LYPD8: variants seen among roughly 807,000 people sequenced by gnomAD.
LYPD8 encodes LY6/PLAUR domain containing 8.
In LYPD8, 8 loss-of-function variants were observed where a neutral mutation model predicts 1.7. The ratio of observed to expected loss-of-function variants is 4.58; its 90% CI spans 2.69 to 8.27. LYPD8 has a LOEUF of 8.27. Ranked by LOEUF, LYPD8 falls within the 30% of genes most tolerant of loss-of-function variation. The pLI is 0.00. For synonymous variants in LYPD8, 50 were observed against 43.6 expected (o/e 1.15, Z -0.58); for missense variants, 112 against 102.3 (o/e 1.09, Z -0.41).
chr1:248,751,830 C>A (rs996920262), intron 2 of LYPD8, among the ~76,000 whole-genome samples: 8 of 152,168 alleles, frequency 5.3e-5, no homozygotes, highest in African/African-American at 1.4e-4. Flanking sequence ...ACACACTCAA[C>A]CTGCAGCACT....
intron 2 of LYPD8, among the ~76,000 whole-genome samples, chr1:248,754,227 A>ACACATATTAAACACACACCC (rs1392570940): frequency 8.0e-5 from 12 of 150,360 alleles, no homozygotes; most frequent in African/African-American, 2.9e-4. Context: ...ACAACACACC[A>ACACATATTAAACACACACCC]CACACATTAA....
intron 6 of LYPD8, among the ~76,000 whole-genome samples, 174 bp downstream of exon 6, chr1:248,744,968 T>C (rs1662705687): frequency 6.6e-6 from 1 of 152,062 alleles, no homozygotes; most frequent in East Asian, 1.9e-4. Flanking sequence ...AAGGCAGCAA[T>C]AGCAGCGAGC....
rs1411816383 is a variant in LYPD8 at position 248,745,172 on chromosome 1, A to G, written c.445T>C (p.Cys149Arg). 2.0e-5 allele frequency: 8 copies of G among 398,606 alleles called. No individual in the cohort carries two copies. In the South Asian group the frequency reaches 1.0e-3, roughly 51 times the overall value. The allele number at this position is 398,606 out of a possible 1,614,324, so 24.7% of individuals were successfully genotyped here. Residue 149 changes from cysteine (C) to arginine (R), a missense_variant, in exon 6 of 7, where the codon TGT (cysteine) becomes CGT (arginine). By Grantham distance (180) the Cys-to-Arg change is radical (BLOSUM62 -3). Coordinates refer to ENST00000590317, the MANE Select transcript of LYPD8 (RefSeq NM_001085474.2). ...TTAAGTTCTGCAACTAGAAAGACAC[A>G]CTGTTCTTCTTCATAGCATTTCCAG... Reference protein sequence around the residue: ...KPWKCYEEEQCVFLVAELKND... With the variant: ...KPWKCYEEEQRVFLVAELKND...
intron 2 of LYPD8, among the ~76,000 whole-genome samples, chr1:248,752,649 ACAAC>A (rs1662821686): frequency 3.3e-5 from 2 of 61,052 alleles, no homozygotes; most frequent in South Asian, 1.8e-3. Context: ...CACACAACAC[ACAAC>A]ACACACCACA....
rs767478162 is a variant in LYPD8, at chr1:248,739,693, G to T, written c.632C>A (p.Thr211Asn). 9 of 1,551,762 alleles carry T rather than the reference G, an allele frequency of 5.8e-6. No homozygotes were observed. In the East Asian group the frequency reaches 1.7e-4, roughly 30 times the overall value. ...VNSLTPTSAP[T>N]TSHNVGSKAS... The stretch of plus-strand genomic sequence containing the variant: ...TTTGGAGCCCACGTTGTGGGAAGTG[G>T]TTGGTGCAGACGTGGGGGTTAAGCT... The change falls in exon 7 of 7, where the codon ACC becomes AAC. Residue 211 changes from threonine to asparagine, a missense_variant. Coordinates refer to ENST00000590317, the MANE Select transcript of LYPD8 (RefSeq NM_001085474.2). This position sits in a 1 kb window ranked among gnomAD's most constrained non-coding sequence, Gnocchi z 4.3.
Position 248,755,342 on chromosome 1 carries a change from A to C in LYPD8, c.-153T>G, listed in dbSNP as rs1662904265. 6.6e-6 allele frequency: 1 copy of C among 152,270 alleles called. No homozygotes were observed. The highest frequency in any genetic ancestry group is 1.5e-5 in the Non-Finnish European group (1 of 68,068). The allele number at this position is 152,270 out of a possible 1,614,324, so 9.4% of individuals were successfully genotyped here. A position where few individuals can be genotyped will look rare whatever the true frequency, so the allele number is the denominator to read the frequency against. On this transcript the variant is annotated 5_prime_UTR_variant, in exon 2 of 7. Coordinates refer to ENST00000590317, the MANE Select transcript of LYPD8 (RefSeq NM_001085474.2). ...TTCGACAGCCTGGCAGGGTCCTGCT[A>C]TAATTGCTGTCATCTTCCACAGAGA...
At chr1:248,745,892 C>G (rs1389360360) in intron 5 of LYPD8, among the ~76,000 whole-genome samples, 1 of 152,178 alleles carries the variant, frequency 6.6e-6, no homozygotes, top group Non-Finnish European at 1.5e-5. Flanking sequence ...CATGATAATA[C>G]TAAAATATTA....
chr1:248,739,590 G>C lies in LYPD8; in HGVS notation c.*21C>G. The stretch of plus-strand genomic sequence containing the variant: ...CAGAGAAGCAGAAATGGGGTGCTGG[G>C]CAAAGTGCAGCCCCAGGACCTCAGG... On this transcript the variant is annotated 3_prime_UTR_variant, in exon 7 of 7. Transcript: ENST00000590317. The surrounding 1 kb of genome is among the most constrained non-coding windows in gnomAD (Gnocchi z 4.3). The C allele has an allele frequency of 6.4e-7, 1 of 1,550,536 alleles. No individual in the cohort carries two copies. Among genetic ancestry groups the C allele is most frequent in the Non-Finnish European group, 8.7e-7 (1 of 1,146,940 alleles).
intron 2 of LYPD8, among the ~76,000 whole-genome samples, chr1:248,753,189 C>CATCA (rs1662853127): frequency 1.1e-5 from 1 of 92,946 alleles, no homozygotes; most frequent in African/African-American, 4.7e-5. Context: ...CACACACACA[C>CATCA]CACATCACAC....
chr1:248,739,975 G>A lies in LYPD8; in HGVS notation c.476-126C>T. On this transcript the variant is annotated intron_variant, in intron 6 of 6. Coordinates refer to ENST00000590317, the MANE Select transcript of LYPD8 (RefSeq NM_001085474.2). The surrounding 1 kb of genome is among the most constrained non-coding windows in gnomAD (Gnocchi z 4.3). ...CAGCAAGAGCTGGTGTGCTCCTGAA[G>A]CCCAGGCAGGAAGAAGGAGCCTGCG... The A allele has an allele frequency of 1.6e-6, 2 of 1,260,208 alleles. No individual in the cohort carries two copies. Among genetic ancestry groups the A allele is most frequent in the Non-Finnish European group, 2.2e-6 (2 of 919,982 alleles). The allele number at this position is 1,260,208 out of a possible 1,614,324, so 78.1% of individuals were successfully genotyped here.
chr1:248,751,653 G>A lies in LYPD8; in HGVS notation c.-49-523C>T, dbSNP rs952730645. The stretch of plus-strand genomic sequence containing the variant: ...TTATGTAATTCATCTACTGTAGCAG[G>A]CAGGTATTATTATTAGCATCCTAAG... On this transcript the variant is annotated intron_variant, in intron 2 of 6. Transcript: ENST00000590317. Among the ~76,000 whole-genome samples, 7 of 152,276 alleles carry A rather than the reference G, an allele frequency of 4.6e-5. No homozygotes were observed. The East Asian group carries it at 9.6e-4, about 21-fold the overall frequency.
At chr1:248,752,970 A>AC (rs1662841670) in intron 2 of LYPD8, among the ~76,000 whole-genome samples, 1 of 88,806 alleles carries the variant, frequency 1.1e-5, no homozygotes, top group East Asian at 4.9e-4. Context: ...CACCCCACAC[A>AC]ACACACACAC....
intron 6 of LYPD8, among the ~76,000 whole-genome samples, chr1:248,743,849 G>A (rs903430415): frequency 2.0e-5 from 3 of 152,322 alleles, no homozygotes; most frequent in East Asian, 1.9e-4. Context: ...GCCAAGACCC[G>A]GTGAGTGGGG....
At chr1:248,755,620 G>A (rs1413683588) in intron 1 of LYPD8, 85 bp downstream of exon 1, 1 of 152,338 alleles carries the variant, frequency 6.6e-6, no homozygotes, top group Non-Finnish European at 1.5e-5. Context: ...ACTTGGCCGG[G>A]GAAGGACCTG....
intron 2 of LYPD8, among the ~76,000 whole-genome samples, chr1:248,753,957 CACAT>C (rs1488622825): frequency 2.4e-3 from 300 of 122,998 alleles, no homozygotes; most frequent in African/African-American, 9.5e-3. Flanking sequence ...ACATGTCACA[CACAT>C]CACATGACAC....
chr1:248,755,030 A>G, intron 2 of LYPD8, among the ~76,000 whole-genome samples: 1 of 152,210 alleles, frequency 6.6e-6, no homozygotes, highest in African/African-American at 2.4e-5. Flanking sequence ...TCAAGTGCAC[A>G]GATCACCTCA....
At chr1:248,743,016 TG>T (rs1188622398) in intron 6 of LYPD8, among the ~76,000 whole-genome samples, 1 of 127,040 alleles carries the variant, frequency 7.9e-6, no homozygotes, top group Non-Finnish European at 1.7e-5. Flanking sequence ...GTGGGGATGT[TG>T]GCAGCCGGGG....
chr1:248,748,852 C>T (rs1167677485), intron 4 of LYPD8, among the ~76,000 whole-genome samples: 1 of 152,194 alleles, frequency 6.6e-6, no homozygotes, highest in African/African-American at 2.4e-5. Context: ...AGTCAAGCTT[C>T]TAGCCAGAGC....
chr1:248,739,673 A>G lies in LYPD8; in HGVS notation c.652T>C (p.Ser218Pro), dbSNP rs1157322643. The change falls in exon 7 of 7, where the codon TCC (serine) becomes CCC (proline). Residue 218 changes from serine to proline, a missense_variant. Physicochemically the swap from Ser to Pro is moderately conservative, Grantham distance 74. Transcript: ENST00000590317. The surrounding 1 kb of genome is among the most constrained non-coding windows in gnomAD (Gnocchi z 4.3). The part of the protein sequence containing the change: ...SAPTTSHNVG[S>P]KASLYLLALA... ...GCCAAGAGGTAGAGGGAAGCTTTGGAGCCCACGTTGTGGGAAGTGGTTGGT... is the reference window on the plus strand; with the variant it reads ...GCCAAGAGGTAGAGGGAAGCTTTGGGGCCCACGTTGTGGGAAGTGGTTGGT... 2 of 1,551,750 alleles carry G rather than the reference A, an allele frequency of 1.3e-6. No individual in the cohort carries two copies. Among genetic ancestry groups the G allele is most frequent in the Non-Finnish European group, 1.7e-6 (2 of 1,147,002 alleles).
Sources: gnomAD v4.1 joint callset for allele counts (sites outside exome capture counted in the v4.1 genomes callset) on GRCh38, gnomAD v4.1.1 for gene constraint, Gnocchi (gnomAD v3.1) non-coding constraint, MANE v1.5 for transcripts, NCBI Gene and HGNC (gene_info 2026-07-23, HGNC 2026-07-21) for gene names.